Variants in ADAP1 observed in about 807,000 individuals in gnomAD.
ADAP1 encodes arf-GAP with dual PH domain-containing protein 1.
Under a neutral mutation model 54.9 loss-of-function variants are expected in ADAP1, and 31 were observed. The ratio of observed to expected loss-of-function variants is 0.56; its 90% confidence interval spans 0.42 to 0.76. The LOEUF is 0.76. Among genes scored for constraint, ADAP1 ranks in the 30% least tolerant of loss-of-function variants. ADAP1 has a pLI of 0.00. For missense variants in ADAP1, 535 were observed against 512.4 expected, an observed-to-expected ratio of 1.04 and a Z score of -0.42; for synonymous variants, 313 against 202.6, an observed-to-expected ratio of 1.55 and a Z score of -4.63.
At chr7:908,929 G>GCGGGGGCCCCTTCCAGCGAC (rs1254003603) in intron 4 of ADAP1, among the ~76,000 whole-genome samples, 9 of 152,230 alleles carry the variant, frequency 5.9e-5, no homozygotes, top group South Asian at 2.1e-4. Flanking sequence ...CCAGGACACA[G>GCGGGGGCCCCTTCCAGCGAC]CGGGGGCCCC....
At chr7:913,836 G>A (rs1203470300) in intron 4 of ADAP1, among the ~76,000 whole-genome samples, 3 of 152,316 alleles carry the variant, frequency 2.0e-5, no homozygotes, top group East Asian at 3.9e-4. Context: ...TCAGGATGCT[G>A]AGGCAGGAGA....
At chr7:906,057 GA>G (rs1255226344) in intron 4 of ADAP1, among the ~76,000 whole-genome samples, 12 of 21,646 alleles carry the variant, frequency 5.5e-4, no homozygotes, top group Middle Eastern at 0.025. Context: ...AAGGAGAAAG[GA>G]GAAAGGGAGA....
chr7:901,186 C>T, intron 6 of ADAP1: 1 of 362,626 alleles, frequency 2.8e-6, no homozygotes, highest in South Asian at 2.1e-5. Context: ...GAACAGAGGG[C>T]CCATAGCCCA....
chr7:902,133 C>G (rs1375913576), intron 6 of ADAP1, among the ~76,000 whole-genome samples: 4 of 151,198 alleles, frequency 2.6e-5, no homozygotes, highest in Non-Finnish European at 4.4e-5. Flanking sequence ...ACCAGCCTGA[C>G]CAACATGGTG....
intron 5 of ADAP1, 151 bp from the exon 6 acceptor site, chr7:904,423 G>C (rs114764010): frequency 1.0e-5 from 10 of 964,434 alleles, no homozygotes; most frequent in South Asian, 1.8e-5. Context: ...TTGGCCTCCC[G>C]GTCTGTAAGC....
At chr7:931,067 G>A (rs1179351148) in intron 2 of ADAP1, among the ~76,000 whole-genome samples, 5 of 150,676 alleles carry the variant, frequency 3.3e-5, no homozygotes, top group Admixed American at 3.3e-4. Context: ...AGAAAGGAAG[G>A]CAGGAGGGAA....
chr7:911,509 C>G (rs997425289), intron 4 of ADAP1, among the ~76,000 whole-genome samples: 1 of 152,082 alleles, frequency 6.6e-6, no homozygotes, highest in Non-Finnish European at 1.5e-5. Flanking sequence ...CGAACCCTGA[C>G]TCCTGTAAGA....
At position 920,430 on chromosome 7, in the gene ADAP1, G is replaced by GCCCTCCCCGA. The variant is rs1198272582; in HGVS notation, c.306-390_306-381dup. On this transcript the variant is annotated intron_variant, in intron 3 of 10. Transcript: ENST00000265846. The surrounding 1 kb of genome is among the most constrained non-coding windows in gnomAD (Gnocchi z 4.5). ...CCCACCCCGAGTCACACGCCCCTGG[G>GCCCTCCCCGA]CCCTCCCCGACCCTCCCCACCTCGT... 1.3e-5 allele frequency among the ~76,000 whole-genome samples: 2 copies of GCCCTCCCCGA among 151,134 alleles called. No individual in the cohort carries two copies. Among genetic ancestry groups the GCCCTCCCCGA allele is most frequent in the East Asian group, 2.0e-4 (1 of 5,080 alleles).
chr7:945,317 G>A lies in ADAP1; in HGVS notation c.82+9079C>T, dbSNP rs1402861167. On this transcript the variant is annotated intron_variant, in intron 1 of 10. Coordinates refer to ENST00000265846, the MANE Select transcript of ADAP1 (RefSeq NM_006869.4). The surrounding 1 kb of genome is among the most constrained non-coding windows in gnomAD (Gnocchi z 4.2). ...GACCCTCCAGGGTGGAAGGGGAGCTGGTCTGACGCCCCAGCAGCAGGGCCC... is the reference window on the plus strand; with the variant it reads ...GACCCTCCAGGGTGGAAGGGGAGCTAGTCTGACGCCCCAGCAGCAGGGCCC... Among the ~76,000 whole-genome samples the A allele has an allele frequency of 6.6e-6, 1 of 152,232 alleles. No individual in the cohort carries two copies. The highest frequency in any genetic ancestry group is 1.9e-4 in the East Asian group (1 of 5,192).
intron 6 of ADAP1, chr7:900,915 G>A (rs1359618035): frequency 1.7e-6 from 1 of 580,222 alleles, no homozygotes; most frequent in Non-Finnish European, 3.3e-6. Context: ...GACAGGGTCG[G>A]GGGCTGCCAT....
chr7:904,237 G>T lies in ADAP1; in HGVS notation c.537C>A (p.His179Gln), dbSNP rs1296061652. The T allele has an allele frequency of 6.2e-7, 1 of 1,608,854 alleles. No individual in the cohort carries two copies. The highest frequency in any genetic ancestry group is 1.7e-5 in the Admixed American group (1 of 59,712). The change falls in exon 6 of 11, where the codon CAC (histidine) becomes CAA (glutamine). Residue 179 changes from histidine to glutamine, a missense_variant. By Grantham distance (24) the His-to-Gln change is conservative (BLOSUM62 0). Transcript: ENST00000265846. ...TGGCCGGCTGGAAGGTGGCGTTCAG[G>T]TGCTCGATCTTCATCACGGCCTTGG... The part of the protein sequence containing the change: ...KEPKAVMKIE[H>Q]LNATFQPAKI...
At chr7:904,984 C>G in intron 5 of ADAP1, 76 bp downstream of exon 5, 3 of 1,323,238 alleles carry the variant, frequency 2.3e-6, no homozygotes, top group Non-Finnish European at 3.2e-6. Context: ...TGGACGCGGC[C>G]ACCACAGGCC....
chr7:903,526 C>T (rs1394753676), intron 6 of ADAP1, among the ~76,000 whole-genome samples: 1 of 152,208 alleles, frequency 6.6e-6, no homozygotes, highest in African/African-American at 2.4e-5. Context: ...AACATAGAAA[C>T]AAGAACCTAA....
chr7:936,692 A>G (rs1182050025), intron 1 of ADAP1, among the ~76,000 whole-genome samples: 9 of 152,206 alleles, frequency 5.9e-5, no homozygotes, highest in Admixed American at 2.0e-4. Context: ...CCCTAGAGAG[A>G]ACAGTCTCTC....
chr7:927,537 T>A, intron 2 of ADAP1: 2 of 469,514 alleles, frequency 4.3e-6, no homozygotes, highest in Non-Finnish European at 8.8e-6. Flanking sequence ...TGAAGTCCCC[T>A]GACATCACCC....
rs575814984 is a variant in ADAP1, at chr7:908,242, G to A, written c.389-3070C>T. 4.6e-5 allele frequency among the ~76,000 whole-genome samples: 7 copies of A among 152,282 alleles called. No individual in the cohort carries two copies. In the East Asian group the frequency reaches 1.4e-3, roughly 29 times the overall value. Reference sequence around the variant, plus strand: ...ATTGCAGACACCGCCCATCAGCCCTGACCACCAAAGCCCCCTGCTCCCCAG... The same window carrying A: ...ATTGCAGACACCGCCCATCAGCCCTAACCACCAAAGCCCCCTGCTCCCCAG... On this transcript the variant is annotated intron_variant, in intron 4 of 10. Transcript: ENST00000265846.
At chr7:909,768 A>T (rs1230872618) in intron 4 of ADAP1, among the ~76,000 whole-genome samples, 1 of 152,150 alleles carries the variant, frequency 6.6e-6, no homozygotes, top group Non-Finnish European at 1.5e-5. Flanking sequence ...GTCCTGGGGC[A>T]GGACTCGACC....
chr7:905,266 A>C, intron 4 of ADAP1, 94 bp from the exon 5 acceptor site: 1 of 659,816 alleles, frequency 1.5e-6, no homozygotes, highest in Non-Finnish European at 2.4e-6. Flanking sequence ...ACATGGGGAG[A>C]AGACACGGGG....
intron 7 of ADAP1, 143 bp downstream of exon 7, chr7:900,390 G>T: frequency 2.0e-6 from 2 of 994,054 alleles, no homozygotes; most frequent in Non-Finnish European, 1.5e-6. Context: ...GAGGGCTGCA[G>T]GCACGTCAGG....
Sources: allele counts gnomAD v4.1 joint callset (sites outside exome capture counted in the v4.1 genomes callset), GRCh38; gene constraint gnomAD v4.1.1; non-coding constraint Gnocchi (gnomAD v3.1); transcripts MANE v1.5; gene names NCBI Gene and HGNC (gene_info 2026-07-23, HGNC 2026-07-21).